FHOD3: variants seen among roughly 807,000 people sequenced by gnomAD.
The protein encoded by FHOD3 is FH1/FH2 domain-containing protein 3.
Under a neutral mutation model 173.0 loss-of-function variants are expected in FHOD3, and 90 were observed. The ratio of observed to expected loss-of-function variants is 0.52; its 90% CI spans 0.44 to 0.62. The LOEUF is 0.62. FHOD3 is among the 20% of genes least tolerant of loss of function. FHOD3 has a pLI of 0.00. For missense variants in FHOD3, 1,945 were observed against 2,034.7 expected, an observed-to-expected ratio of 0.96 and a Z score of 0.85; for synonymous variants, 828 against 823.0, an observed-to-expected ratio of 1.01 and a Z score of -0.10.
chr18:36,529,923 G>A (rs780631131), intron 5 of FHOD3, among the ~76,000 whole-genome samples: 53 of 152,112 alleles, frequency 3.5e-4, no homozygotes, highest in Middle Eastern at 3.2e-3. Context: ...TCCCTGCCGG[G>A]CTTGGTAGCG....
chr18:36,568,592 G>A (rs1169224190), intron 5 of FHOD3, among the ~76,000 whole-genome samples: 1 of 152,162 alleles, frequency 6.6e-6, no homozygotes, highest in East Asian at 1.9e-4. Flanking sequence ...GCCCCAGACT[G>A]TCGACTTTGT....
At chr18:36,348,976 G>C (rs1439131824) in intron 1 of FHOD3, among the ~76,000 whole-genome samples, 3 of 152,202 alleles carry the variant, frequency 2.0e-5, no homozygotes, top group Admixed American at 6.5e-5. Context: ...GAGGTGGCAA[G>C]CTCATGAGAA....
intron 1 of FHOD3, among the ~76,000 whole-genome samples, chr18:36,346,387 A>G (rs1176753010): frequency 6.6e-6 from 1 of 152,012 alleles, no homozygotes; most frequent in Non-Finnish European, 1.5e-5. Context: ...CAAAACTGAA[A>G]AACCAAAAAC....
At chr18:36,747,192 G>C (rs534494684) in intron 24 of FHOD3, 57 bp downstream of exon 24, 2 of 1,397,212 alleles carry the variant, frequency 1.4e-6, no homozygotes, top group Non-Finnish European at 1.9e-6. Flanking sequence ...TGAAAAATTT[G>C]TACTGGAAAT....
Position 36,747,136 on chromosome 18 carries a change from G to T in FHOD3, c.4232+1G>T. The stretch of plus-strand genomic sequence containing the variant: ...TTGTCCATAGAAGGATAATCAACAG[G>T]TAAGTGGATTGAGGAACTTATAGAA... On this transcript the variant is annotated splice_donor_variant, in intron 24 of 28. Coordinates refer to ENST00000590592, the MANE Select transcript of FHOD3 (RefSeq NM_001281740.3). LOFTEE classifies it high-confidence loss of function. 6.2e-7 allele frequency: 1 copy of T among 1,600,332 alleles called. No homozygotes were observed. The highest frequency in any genetic ancestry group is 1.3e-5 in the African/African-American group (1 of 74,388).
At chr18:36,628,288 G>A (rs1038044223) in intron 10 of FHOD3, among the ~76,000 whole-genome samples, 1 of 152,128 alleles carries the variant, frequency 6.6e-6, no homozygotes, top group African/African-American at 2.4e-5. Flanking sequence ...ATGACCAAGG[G>A]CTGGGCCCTT....
At chr18:36,408,006 G>A (rs1380571736) in intron 3 of FHOD3, among the ~76,000 whole-genome samples, 1 of 152,184 alleles carries the variant, frequency 6.6e-6, no homozygotes, top group African/African-American at 2.4e-5. Context: ...CTGTTTGACT[G>A]AGGCTCAGGA....
chr18:36,525,961 G>A (rs1446804078), intron 5 of FHOD3, among the ~76,000 whole-genome samples: 1 of 152,232 alleles, frequency 6.6e-6, no homozygotes, highest in Non-Finnish European at 1.5e-5. Flanking sequence ...ATCAAGATTG[G>A]GCTGAGTTTT....
chr18:36,417,134 A>T (rs1180413128), intron 3 of FHOD3, among the ~76,000 whole-genome samples: 1 of 152,168 alleles, frequency 6.6e-6, no homozygotes, highest in African/African-American at 2.4e-5. Context: ...CTTATGTCAT[A>T]GGGATTTGTT....
At chr18:36,505,743 A>G (rs780830617) in intron 4 of FHOD3, among the ~76,000 whole-genome samples, 2 of 152,246 alleles carry the variant, frequency 1.3e-5, no homozygotes, top group Admixed American at 6.5e-5. Context: ...GAACATGTCT[A>G]TAATGTGGAT....
intron 1 of FHOD3, among the ~76,000 whole-genome samples, chr18:36,315,638 A>G (rs2044078842): frequency 6.6e-6 from 1 of 152,192 alleles, no homozygotes; most frequent in South Asian, 2.1e-4. Context: ...GCCTGGCCTC[A>G]CAGCAGCAAT....
At chr18:36,599,228 G>T (rs2030979510) in intron 7 of FHOD3, among the ~76,000 whole-genome samples, 1 of 152,212 alleles carries the variant, frequency 6.6e-6, no homozygotes, top group South Asian at 2.1e-4. Flanking sequence ...GGTGAGGCAA[G>T]TGACCAGAGA....
At chr18:36,571,224 C>T (rs992730796) in intron 5 of FHOD3, among the ~76,000 whole-genome samples, 2 of 152,044 alleles carry the variant, frequency 1.3e-5, no homozygotes, top group African/African-American at 2.4e-5. Context: ...TATATACTAA[C>T]AATAAACAAT....
intron 3 of FHOD3, among the ~76,000 whole-genome samples, chr18:36,416,688 T>C (rs1191838033): frequency 6.6e-6 from 1 of 152,198 alleles, no homozygotes. Context: ...TTTGCATCGC[T>C]CTCCCTGTGG....
At chr18:36,634,056 C>T (rs2034699142) in intron 10 of FHOD3, among the ~76,000 whole-genome samples, 1 of 152,206 alleles carries the variant, frequency 6.6e-6, no homozygotes, top group Non-Finnish European at 1.5e-5. Flanking sequence ...CCACAGTTAA[C>T]TATCAATTAT....
intron 28 of FHOD3, among the ~76,000 whole-genome samples, chr18:36,770,716 T>C (rs1050769858): frequency 1.3e-5 from 2 of 152,198 alleles, no homozygotes; most frequent in Non-Finnish European, 2.9e-5. Flanking sequence ...AACAAGGCTC[T>C]TGAGCTGTGG....
At chr18:36,516,827 T>A (rs1223421640) in intron 5 of FHOD3, among the ~76,000 whole-genome samples, 1 of 152,208 alleles carries the variant, frequency 6.6e-6, no homozygotes, top group Non-Finnish European at 1.5e-5. Context: ...TCTTGAGAAG[T>A]GTGCCCTCAT....
intron 7 of FHOD3, among the ~76,000 whole-genome samples, chr18:36,600,192 T>G (rs1213530230): frequency 6.6e-6 from 1 of 151,728 alleles, no homozygotes; most frequent in Admixed American, 6.6e-5. Flanking sequence ...TCTTTCTCTG[T>G]TATGTGAAGG....
At chr18:36,304,821 A>C (rs1000995207) in intron 1 of FHOD3, among the ~76,000 whole-genome samples, 38 of 152,338 alleles carry the variant, frequency 2.5e-4, no homozygotes, top group African/African-American at 8.9e-4. Context: ...GAAGTTGCTA[A>C]GGCTATAATA....
Sources: gnomAD v4.1 joint callset for allele counts (sites outside exome capture counted in the v4.1 genomes callset) on GRCh38, gnomAD v4.1.1 for gene constraint, MANE v1.5 for transcripts, NCBI Gene and HGNC (gene_info 2026-07-23, HGNC 2026-07-21) for gene names.